Variants in CNTN4 observed in about 807,000 individuals in gnomAD.
CNTN4 encodes the protein contactin-4.
In CNTN4, 77 loss-of-function variants were observed where a neutral mutation model predicts 122.5. The ratio of observed to expected loss-of-function variants is 0.63; its 90% confidence interval spans 0.52 to 0.76. The LOEUF is 0.76. CNTN4 is among the 30% of genes least tolerant of loss of function. CNTN4 has a pLI of 0.00. For synonymous variants in CNTN4, 512 were observed against 447.0 expected, an observed-to-expected ratio of 1.15 and a Z score of -1.83; for missense variants, 1,256 against 1,259.1, an observed-to-expected ratio of 1.00 and a Z score of 0.04.
intron 12 of CNTN4, among the ~76,000 whole-genome samples, chr3:2,921,406 G>A (rs2094428856): frequency 6.6e-6 from 1 of 152,192 alleles, no homozygotes; most frequent in African/African-American, 2.4e-5. Flanking sequence ...TCTTCTACCA[G>A]TAGCCTTCTT....
intron 14 of CNTN4, among the ~76,000 whole-genome samples, chr3:3,021,909 G>T (rs1481228633): frequency 6.6e-6 from 1 of 151,980 alleles, no homozygotes; most frequent in African/African-American, 2.4e-5. Context: ...GCAAGACCCT[G>T]TGTCTATAAA....
At chr3:2,990,569 G>A (rs1034168581) in intron 14 of CNTN4, among the ~76,000 whole-genome samples, 10 of 152,130 alleles carry the variant, frequency 6.6e-5, no homozygotes, top group African/African-American at 2.4e-4. Flanking sequence ...GAAAGGAGAG[G>A]CCTCTATTTC....
In CNTN4 at chr3:2,936,767, G is replaced by A. The variant is rs548161571; in HGVS notation, c.1358+10988G>A. Among the ~76,000 whole-genome samples the A allele has an allele frequency of 2.0e-5, 3 of 152,252 alleles. No individual in the cohort carries two copies. In the South Asian group the frequency reaches 6.2e-4, roughly 32 times the overall value. On this transcript the variant is annotated intron_variant, in intron 13 of 24. Transcript: ENST00000418658. ...CCTGTGTTTGTACAGTTGGCAAGCT[G>A]AGAATGGTTTTACATTTTTAAATGG...
At chr3:2,854,920 A>T (rs572865032) in intron 7 of CNTN4, among the ~76,000 whole-genome samples, 3 of 152,338 alleles carry the variant, frequency 2.0e-5, no homozygotes, top group African/African-American at 7.2e-5. Context: ...GCTTAGCTTA[A>T]AGTAAGAAGA....
At chr3:2,381,069 A>C (rs1272611691) in intron 3 of CNTN4, among the ~76,000 whole-genome samples, 2 of 151,564 alleles carry the variant, frequency 1.3e-5, no homozygotes, top group African/African-American at 4.9e-5. Context: ...GCAGTGGCAC[A>C]ATCTCGGCTC....
intron 3 of CNTN4, among the ~76,000 whole-genome samples, chr3:2,429,105 G>C (rs1197250645): frequency 6.6e-6 from 1 of 152,162 alleles, no homozygotes; most frequent in African/African-American, 2.4e-5. Context: ...CTCCATCCAG[G>C]TTTGTTCCAT....
intron 7 of CNTN4, among the ~76,000 whole-genome samples, chr3:2,826,927 C>T (rs1156750141): frequency 6.6e-6 from 1 of 152,162 alleles, no homozygotes; most frequent in Non-Finnish European, 1.5e-5. Context: ...CTCCTTAGTC[C>T]AGACACTTAG....
At chr3:2,893,334 G>A (rs1157668927) in intron 10 of CNTN4, among the ~76,000 whole-genome samples, 2 of 152,176 alleles carry the variant, frequency 1.3e-5, no homozygotes, top group African/African-American at 4.8e-5. Context: ...GATGTGCTAT[G>A]TATATGTGAT....
At chr3:2,650,739 CAAT>C (rs1325028651) in intron 4 of CNTN4, among the ~76,000 whole-genome samples, 1 of 152,114 alleles carries the variant, frequency 6.6e-6, no homozygotes, top group Non-Finnish European at 1.5e-5. Context: ...GCATTTTTAA[CAAT>C]AAATTATTTT....
At chr3:2,644,007 G>A (rs970651995) in intron 4 of CNTN4, among the ~76,000 whole-genome samples, 12 of 152,136 alleles carry the variant, frequency 7.9e-5, no homozygotes, top group African/African-American at 2.9e-4. Context: ...AGTCTGACTG[G>A]TGTTGATTTC....
intron 3 of CNTN4, among the ~76,000 whole-genome samples, chr3:2,456,412 A>T (rs1439235211): frequency 6.6e-6 from 1 of 152,146 alleles, no homozygotes; most frequent in Non-Finnish European, 1.5e-5. Flanking sequence ...ATTCAGTGGC[A>T]TTTAGTACGC....
intron 7 of CNTN4, among the ~76,000 whole-genome samples, chr3:2,850,977 G>A (rs1173964647): frequency 6.6e-6 from 1 of 152,154 alleles, no homozygotes; most frequent in African/African-American, 2.4e-5. Flanking sequence ...GAGAGAGGAA[G>A]ATAAGCTGTA....
At chr3:3,032,349 T>C (rs535023098) in intron 16 of CNTN4, among the ~76,000 whole-genome samples, 4 of 152,344 alleles carry the variant, frequency 2.6e-5, no homozygotes, top group African/African-American at 9.6e-5. Context: ...CTAATAAATA[T>C]TTAAATCAGC....
chr3:3,014,046 G>GCACA (rs1559789736), intron 14 of CNTN4, among the ~76,000 whole-genome samples: 69 of 87,812 alleles, frequency 7.9e-4, no homozygotes, highest in East Asian at 7.0e-3. Flanking sequence ...ACATTTAAAT[G>GCACA]TACACACACA....
intron 3 of CNTN4, among the ~76,000 whole-genome samples, chr3:2,429,875 T>C (rs922147604): frequency 6.6e-6 from 1 of 152,156 alleles, no homozygotes; most frequent in African/African-American, 2.4e-5. Context: ...CATGGGACCC[T>C]CCAAGCCACG....
At chr3:2,718,122 CA>C (rs1245019355) in intron 4 of CNTN4, among the ~76,000 whole-genome samples, 1 of 152,006 alleles carries the variant, frequency 6.6e-6, no homozygotes. Flanking sequence ...TTAAGCACTT[CA>C]AAAAATTTGG....
chr3:2,869,969 T>C lies in CNTN4; in HGVS notation c.652+3020T>C, dbSNP rs759010455. Among the ~76,000 whole-genome samples, 197 of 152,320 alleles carry C rather than the reference T, an allele frequency of 1.3e-3. 3 individuals carry two copies. The highest frequency in any genetic ancestry group is 2.3e-3 in the East Asian group (12 of 5,184). ...AGAAATCTCTTAAAAATACAGCCCCTGTGGCTTCTACCCAAATGCACTTAG... is the reference window on the plus strand; with the variant it reads ...AGAAATCTCTTAAAAATACAGCCCCCGTGGCTTCTACCCAAATGCACTTAG... On this transcript the variant is annotated intron_variant, in intron 8 of 24. Coordinates refer to ENST00000418658, the MANE Select transcript of CNTN4 (RefSeq NM_175607.3).
At chr3:2,940,817 G>C (rs2094608678) in intron 13 of CNTN4, among the ~76,000 whole-genome samples, 2 of 152,168 alleles carry the variant, frequency 1.3e-5, no homozygotes, top group African/African-American at 4.8e-5. Context: ...TCTTCTGAAA[G>C]TCTGGTCATG....
At chr3:2,322,513 A>G (rs567440938) in intron 2 of CNTN4, among the ~76,000 whole-genome samples, 17 of 152,272 alleles carry the variant, frequency 1.1e-4, no homozygotes, top group African/African-American at 4.1e-4. Flanking sequence ...GACAGAAGGC[A>G]TAATAGTGGT....
Sources: allele counts gnomAD v4.1 joint callset (sites outside exome capture counted in the v4.1 genomes callset), GRCh38; gene constraint gnomAD v4.1.1; transcripts MANE v1.5; gene names NCBI Gene and HGNC (gene_info 2026-07-23, HGNC 2026-07-21).